The following ATG10 variants were observed in gnomAD, a reference collection of about 807,000 sequenced individuals.
ATG10 encodes autophagy related 10.
In ATG10, 30 loss-of-function variants were observed where a neutral mutation model predicts 32.1. That is an observed-to-expected ratio of 0.94 (90% confidence interval 0.70 to 1.27). The LOEUF is 1.27. ATG10 is among the 50% of genes most tolerant of loss of function. The pLI is 0.00. For synonymous variants in ATG10, 87 were observed against 91.5 expected, an observed-to-expected ratio of 0.95 and a Z score of 0.28; for missense variants, 233 against 262.3, an observed-to-expected ratio of 0.89 and a Z score of 0.77.
At chr5:82,102,939 T>C (rs1199429826) in intron 3 of ATG10, among the ~76,000 whole-genome samples, 1 of 152,196 alleles carries the variant, frequency 6.6e-6, no homozygotes, top group Non-Finnish European at 1.5e-5. Flanking sequence ...ACTAATATAA[T>C]ATGCACTGTG....
intron 3 of ATG10, among the ~76,000 whole-genome samples, chr5:82,072,242 G>A (rs908453529): frequency 6.6e-6 from 1 of 152,118 alleles, no homozygotes; most frequent in Non-Finnish European, 1.5e-5. Context: ...CCTTGTCTAT[G>A]TATTCTTTGT....
At chr5:82,221,864 A>G (rs1411973105) in intron 5 of ATG10, among the ~76,000 whole-genome samples, 1 of 152,208 alleles carries the variant, frequency 6.6e-6, no homozygotes, top group Non-Finnish European at 1.5e-5. Flanking sequence ...ACTCAGCATT[A>G]ATTCTGAGTC....
chr5:81,985,395 A>G (rs931912782), intron 1 of ATG10, among the ~76,000 whole-genome samples: 1 of 152,106 alleles, frequency 6.6e-6, no homozygotes, highest in African/African-American at 2.4e-5. Context: ...GTTACCATCT[A>G]TGTAACGTTG....
At chr5:81,973,452 C>G (rs972681863) in intron 1 of ATG10, among the ~76,000 whole-genome samples, 1 of 152,212 alleles carries the variant, frequency 6.6e-6, no homozygotes, top group Non-Finnish European at 1.5e-5. Flanking sequence ...TTCTGTCTAA[C>G]CTATCAAACT....
chr5:82,135,751 C>T (rs1011062389), intron 3 of ATG10, among the ~76,000 whole-genome samples: 8 of 152,048 alleles, frequency 5.3e-5, no homozygotes, highest in Admixed American at 6.6e-5. Flanking sequence ...GGTCCAGAGC[C>T]GAGTTCAAGT....
chr5:82,150,805 A>G (rs1183769394), intron 3 of ATG10, among the ~76,000 whole-genome samples: 1 of 152,260 alleles, frequency 6.6e-6, no homozygotes, highest in Non-Finnish European at 1.5e-5. Context: ...CAGAAACTGC[A>G]TGATCAGTGA....
chr5:82,242,817 A>C lies in ATG10; in HGVS notation c.454-9745A>C, dbSNP rs143506993. ...TACAGATCTTCACCAAGAGGTGTTC[A>C]GAAGGACATATTTCAGTGACAAAGA... On this transcript the variant is annotated intron_variant, in intron 5 of 7. Coordinates refer to ENST00000282185, the MANE Select transcript of ATG10 (RefSeq NM_031482.5). 305 of 452,698 alleles carry C rather than the reference A, an allele frequency of 6.7e-4. 4 individuals carry two copies. In the East Asian group the frequency reaches 0.012, roughly 19 times the overall value. The allele number at this position is 452,698 out of a possible 1,614,324, so 28.0% of individuals were successfully genotyped here. A position where few individuals can be genotyped will look rare whatever the true frequency, so the allele number is the denominator to read the frequency against.
intron 2 of ATG10, among the ~76,000 whole-genome samples, chr5:82,021,622 C>T (rs897181917): frequency 6.6e-6 from 1 of 152,180 alleles, no homozygotes; most frequent in Non-Finnish European, 1.5e-5. Flanking sequence ...GTGGCTCAAA[C>T]CTGTAATCCC....
chr5:82,064,146 A>G (rs1469428865), intron 3 of ATG10, among the ~76,000 whole-genome samples: 1 of 152,214 alleles, frequency 6.6e-6, no homozygotes, highest in African/African-American at 2.4e-5. Flanking sequence ...GTGATAATTA[A>G]TAAGTTTTAT....
intron 3 of ATG10, among the ~76,000 whole-genome samples, chr5:82,081,984 G>A (rs1764498486): frequency 6.6e-6 from 1 of 152,092 alleles, no homozygotes; most frequent in African/African-American, 2.4e-5. Context: ...AATCCATCTG[G>A]TCCTGGACTT....
At chr5:81,973,054 T>C (rs1463679186) in intron 1 of ATG10, 1 of 152,200 alleles carries the variant, frequency 6.6e-6, no homozygotes, top group East Asian at 1.9e-4. Flanking sequence ...AGATGCAAAT[T>C]ATTTCTGAGT....
intron 7 of ATG10, 74 bp downstream of exon 7, chr5:82,253,503 A>G: frequency 9.6e-7 from 1 of 1,038,178 alleles, no homozygotes; most frequent in Non-Finnish European, 1.5e-6. Flanking sequence ...GACTCATCCC[A>G]CCAAATGCAA....
At chr5:82,192,540 A>G (rs1744703060) in intron 5 of ATG10, among the ~76,000 whole-genome samples, 1 of 152,156 alleles carries the variant, frequency 6.6e-6, no homozygotes, top group Non-Finnish European at 1.5e-5. Context: ...AGTGTGACCG[A>G]GGACAGTTAT....
chr5:82,213,765 G>A (rs1325959878), intron 5 of ATG10, among the ~76,000 whole-genome samples: 2 of 152,190 alleles, frequency 1.3e-5, no homozygotes, highest in South Asian at 2.1e-4. Context: ...CCTTCAATAA[G>A]TCCAGTGTTT....
At chr5:82,213,885 C>A (rs1451840230) in intron 5 of ATG10, among the ~76,000 whole-genome samples, 2 of 152,214 alleles carry the variant, frequency 1.3e-5, no homozygotes, top group Non-Finnish European at 2.9e-5. Flanking sequence ...TATTATCTCT[C>A]TTTTGTTGAT....
intron 5 of ATG10, among the ~76,000 whole-genome samples, chr5:82,179,928 G>A (rs911711789): frequency 7.2e-5 from 11 of 151,946 alleles, no homozygotes; most frequent in Non-Finnish European, 1.2e-4. Flanking sequence ...CTTTCACACT[G>A]CCCCTCAAAT....
intron 2 of ATG10, among the ~76,000 whole-genome samples, chr5:82,010,758 G>T (rs73768606): frequency 0.066 from 9,976 of 152,012 alleles, 1,092 homozygotes; most frequent in African/African-American, 0.23. Context: ...TGAAAATATG[G>T]TTTCTTTTCC....
intron 2 of ATG10, among the ~76,000 whole-genome samples, chr5:82,022,931 A>T (rs1296786320): frequency 6.6e-6 from 1 of 151,614 alleles, no homozygotes; most frequent in Non-Finnish European, 1.5e-5. Flanking sequence ...TTAGAAGCTG[A>T]AGTTTTATCT....
chr5:82,204,437 T>C (rs780181142), intron 5 of ATG10, among the ~76,000 whole-genome samples: 1 of 152,246 alleles, frequency 6.6e-6, no homozygotes, highest in Admixed American at 6.5e-5. Flanking sequence ...TATTTTACAA[T>C]GTACCAGACA....
Sources: gnomAD v4.1 joint callset for allele counts (sites outside exome capture counted in the v4.1 genomes callset) on GRCh38, gnomAD v4.1.1 for gene constraint, MANE v1.5 for transcripts, NCBI Gene and HGNC (gene_info 2026-07-23, HGNC 2026-07-21) for gene names.